The following PTGER3 variants were observed in gnomAD, a reference collection of about 807,000 sequenced individuals.
The protein encoded by PTGER3 is prostaglandin E2 receptor EP3 subtype.
Under a neutral mutation model 34.7 loss-of-function variants are expected in PTGER3, and 22 were observed. The observed-to-expected ratio is 0.63, with a 90% CI of 0.45 to 0.91. PTGER3 has a LOEUF of 0.91. PTGER3 is among the 40% of genes least tolerant of loss of function. PTGER3 has a pLI of 0.00. For missense variants in PTGER3, 468 were observed against 519.4 expected (o/e 0.90, Z 0.96); for synonymous variants, 241 against 230.1 (o/e 1.05, Z -0.43).
At chr1:70,992,574 C>T (rs1240152862) in intron 2 of PTGER3, among the ~76,000 whole-genome samples, 5 of 152,158 alleles carry the variant, frequency 3.3e-5, no homozygotes, top group African/African-American at 7.2e-5. Flanking sequence ...AGCTACAGGA[C>T]CCTATGTAAC....
In PTGER3 at chr1:70,996,639, T is replaced by TTTTTTAATTTATTTATTTA. The variant is rs774610328; in HGVS notation, c.1077+15665_1077+15666insTAAATAAATAAATTAAAAA. Among the ~76,000 whole-genome samples, 652 of 122,746 alleles carry TTTTTTAATTTATTTATTTA rather than the reference T, an allele frequency of 5.3e-3. 11 individuals are homozygous for TTTTTTAATTTATTTATTTA. The highest frequency in any genetic ancestry group is 0.019 in the African/African-American group (628 of 33,364). 80.5% of individuals were successfully genotyped at this position (122,746 alleles called of 152,430 possible). On this transcript the variant is annotated intron_variant, in intron 2 of 3. Coordinates refer to ENST00000306666, the MANE Select transcript of PTGER3 (RefSeq NM_198719.2). The stretch of plus-strand genomic sequence containing the variant: ...CCATGCCCGGCTAATTTTTTTGTAT[T>TTTTTTAATTTATTTATTTA]TTTATTTATTTATTTATTTATTTAT...
intron 2 of PTGER3, among the ~76,000 whole-genome samples, chr1:70,955,000 G>A (rs947496834): frequency 3.9e-5 from 6 of 152,128 alleles, no homozygotes; most frequent in Non-Finnish European, 8.8e-5. Flanking sequence ...AGGAAGCTAA[G>A]ATTTTAGTCT....
chr1:71,037,035 G>A (rs1376292306), intron 1 of PTGER3, among the ~76,000 whole-genome samples: 1 of 152,090 alleles, frequency 6.6e-6, no homozygotes, highest in Non-Finnish European at 1.5e-5. Flanking sequence ...TGGAGTCACA[G>A]GTGTGAATTA....
intron 4 of PTGER3, among the ~76,000 whole-genome samples, chr1:70,865,050 G>C (rs1646010422): frequency 1.3e-5 from 2 of 151,898 alleles, no homozygotes; most frequent in South Asian, 4.2e-4. Flanking sequence ...GAGTGATAGG[G>C]AAAACATTAC....
chr1:70,982,782 G>C (rs1057404873), intron 2 of PTGER3, among the ~76,000 whole-genome samples: 4 of 151,816 alleles, frequency 2.6e-5, no homozygotes, highest in African/African-American at 7.3e-5. Context: ...AAATTTCACT[G>C]TTTTTTCATT....
intron 1 of PTGER3, among the ~76,000 whole-genome samples, chr1:71,028,342 A>G (rs1659121026): frequency 1.3e-5 from 2 of 152,306 alleles, no homozygotes; most frequent in Non-Finnish European, 1.5e-5. Flanking sequence ...CCGTAGGATG[A>G]AGCCAAGACT....
chr1:71,024,685 G>C (rs1198398880), intron 1 of PTGER3, among the ~76,000 whole-genome samples: 2 of 131,090 alleles, frequency 1.5e-5, no homozygotes, highest in Non-Finnish European at 1.5e-5. Context: ...CTCTCGAGTA[G>C]CTGGGATTAC....
intron 2 of PTGER3, among the ~76,000 whole-genome samples, chr1:70,981,379 CTTT>C (rs759730994): frequency 0.065 from 5,845 of 89,714 alleles, 143 homozygotes; most frequent in Non-Finnish European, 0.078. Flanking sequence ...TTCTTTCTTT[CTTT>C]CTTTCTTTCT....
intron 1 of PTGER3, among the ~76,000 whole-genome samples, chr1:71,038,502 C>T (rs1465719060): frequency 6.6e-6 from 1 of 152,142 alleles, no homozygotes; most frequent in Non-Finnish European, 1.5e-5. Flanking sequence ...ACTCAAGCCT[C>T]CTCTTCCATT....
Position 70,971,006 on chromosome 1 carries a change from C to T in PTGER3, c.*724G>A. The T allele has an allele frequency of 3.0e-6, 3 of 985,328 alleles. No homozygotes were observed. Among genetic ancestry groups the T allele is most frequent in the Non-Finnish European group, 3.6e-6 (3 of 829,908 alleles). The allele number at this position is 985,328 out of a possible 1,614,324, so 61.0% of individuals were successfully genotyped here. Reference sequence around the variant, plus strand: ...TCTAACTGCGCAGCTAATCATTCAACCTCAAATTTGTTTTTTATGACACTC... The same window carrying T: ...TCTAACTGCGCAGCTAATCATTCAATCTCAAATTTGTTTTTTATGACACTC... On this transcript the variant is annotated 3_prime_UTR_variant, in exon 4 of 4. Coordinates refer to ENST00000306666, the MANE Select transcript of PTGER3 (RefSeq NM_198719.2).
intron 4 of PTGER3, among the ~76,000 whole-genome samples, chr1:70,881,438 C>A (rs1292290987): frequency 2.6e-5 from 4 of 152,148 alleles, no homozygotes; most frequent in Admixed American, 2.6e-4. Flanking sequence ...AGGTTAACAA[C>A]CTTTGCTGGG....
intron 2 of PTGER3, chr1:71,006,735 G>A (rs1399328570): frequency 7.1e-6 from 7 of 985,104 alleles, no homozygotes; most frequent in Non-Finnish European, 8.4e-6. Context: ...GCATGGGGCT[G>A]TTGCATTACA....
intron 4 of PTGER3, among the ~76,000 whole-genome samples, chr1:70,941,703 G>A (rs2100546109): frequency 6.6e-6 from 1 of 152,222 alleles, no homozygotes; most frequent in Non-Finnish European, 1.5e-5. Flanking sequence ...AAAGAAATCA[G>A]TCAGGAGTCA....
chr1:70,957,728 TTGAATA>T (rs778539141), intron 2 of PTGER3, among the ~76,000 whole-genome samples: 7 of 152,178 alleles, frequency 4.6e-5, no homozygotes, highest in Non-Finnish European at 1.0e-4. Context: ...TCTAGCTATC[TTGAATA>T]TGTAGTACAA....
intron 4 of PTGER3, among the ~76,000 whole-genome samples, chr1:70,943,544 C>T (rs1241880532): frequency 6.6e-6 from 1 of 152,102 alleles, no homozygotes; most frequent in Admixed American, 6.6e-5. Context: ...CAGTGGACTG[C>T]TGTTGCTATT....
At chr1:71,034,972 A>G (rs1297446274) in intron 1 of PTGER3, among the ~76,000 whole-genome samples, 1 of 152,250 alleles carries the variant, frequency 6.6e-6, no homozygotes, top group Non-Finnish European at 1.5e-5. Flanking sequence ...TATTGCAAGA[A>G]ATTTTAAAAA....
chr1:70,959,646 C>A (rs1651719727), intron 2 of PTGER3, among the ~76,000 whole-genome samples: 1 of 152,124 alleles, frequency 6.6e-6, no homozygotes, highest in Admixed American at 6.5e-5. Context: ...CAGGCATGAG[C>A]CACTGTGCCC....
chr1:71,033,582 T>C (rs1659581643), intron 1 of PTGER3, among the ~76,000 whole-genome samples: 1 of 152,270 alleles, frequency 6.6e-6, no homozygotes, highest in African/African-American at 2.4e-5. Flanking sequence ...CACCTAGAAC[T>C]GTGCCTGACA....
intron 4 of PTGER3, among the ~76,000 whole-genome samples, chr1:70,938,044 G>T (rs1649398031): frequency 6.6e-6 from 1 of 152,112 alleles, no homozygotes; most frequent in African/African-American, 2.4e-5. Flanking sequence ...CAAATTAAAA[G>T]ATGTCTATTT....
Sources: gnomAD v4.1 joint callset for allele counts (sites outside exome capture counted in the v4.1 genomes callset) on GRCh38, gnomAD v4.1.1 for gene constraint, MANE v1.5 for transcripts, NCBI Gene and HGNC (gene_info 2026-07-23, HGNC 2026-07-21) for gene names.